GRID1: variants seen among roughly 807,000 people sequenced by gnomAD.
GRID1 encodes glutamate ionotropic receptor delta type subunit 1, also known as glutamate receptor ionotropic, delta-1.
In GRID1, 28 loss-of-function variants were observed where a neutral mutation model predicts 98.0. The ratio of observed to expected loss-of-function variants is 0.29; its 90% confidence interval spans 0.21 to 0.39. The LOEUF (loss-of-function observed/expected upper bound fraction) is 0.39, where lower values mean the gene tolerates loss of function less well. GRID1 is among the 10% of genes least tolerant of loss of function. GRID1 has a pLI of 1.00. For missense variants in GRID1, 1,111 were observed against 1,340.5 expected (o/e 0.83, Z 2.67); for synonymous variants, 553 against 538.5 (o/e 1.03, Z -0.37).
intron 12 of GRID1, among the ~76,000 whole-genome samples, chr10:85,708,200 C>G (rs539612205): frequency 4.1e-4 from 62 of 150,602 alleles, no homozygotes; most frequent in Middle Eastern, 3.5e-3. Flanking sequence ...GTCAGGAGAT[C>G]GAGACCAACC....
chr10:86,201,855 G>A (rs896736813), intron 3 of GRID1, among the ~76,000 whole-genome samples: 4 of 152,126 alleles, frequency 2.6e-5, no homozygotes, highest in African/African-American at 4.8e-5. Context: ...CAAGGAAAGC[G>A]AGGGTCTTGT....
intron 4 of GRID1, among the ~76,000 whole-genome samples, chr10:86,036,553 G>A (rs1348519885): frequency 6.6e-6 from 1 of 152,186 alleles, no homozygotes; most frequent in African/African-American, 2.4e-5. Context: ...GTACAGAACT[G>A]ATTTCTCCAG....
chr10:85,691,816 G>T (rs1841336292), intron 12 of GRID1, among the ~76,000 whole-genome samples: 1 of 152,180 alleles, frequency 6.6e-6, no homozygotes, highest in Admixed American at 6.5e-5. Context: ...TGTTTTCCAA[G>T]ACACTTGCCC....
intron 2 of GRID1, among the ~76,000 whole-genome samples, chr10:86,249,559 T>C (rs1846787352): frequency 6.6e-6 from 1 of 152,044 alleles, no homozygotes; most frequent in South Asian, 2.1e-4. Context: ...CCTACCACAC[T>C]CCACCTCCAT....
In GRID1 at chr10:85,646,933, T is replaced by A. The variant is rs915759673; in HGVS notation, c.2193+269A>T. 6.5e-5 allele frequency: 32 copies of A among 494,732 alleles called. No homozygotes were observed. In the East Asian group the frequency reaches 1.0e-3, roughly 16 times the overall value. 30.6% of individuals were successfully genotyped at this position (494,732 alleles called of 1,614,324 possible). A position where few individuals can be genotyped will look rare whatever the true frequency, so the allele number is the denominator to read the frequency against. On this transcript the variant is annotated intron_variant, in intron 13 of 15. Transcript: ENST00000327946. The stretch of plus-strand genomic sequence containing the variant: ...GACAGGCCTCTCTGTGTCACCCTCC[T>A]ATGAGCCCATGAGGAGGGTGGGCCA...
intron 2 of GRID1, among the ~76,000 whole-genome samples, chr10:86,338,576 A>AG (rs947414608): frequency 2.0e-5 from 3 of 151,978 alleles, no homozygotes; most frequent in African/African-American, 4.8e-5. Context: ...CCCCCAGGGG[A>AG]GGGGGGAGTC....
intron 8 of GRID1, among the ~76,000 whole-genome samples, chr10:85,741,386 G>A (rs527606800): frequency 6.6e-6 from 1 of 152,024 alleles, no homozygotes; most frequent in East Asian, 1.9e-4. Context: ...TTTTAAACTC[G>A]CTTGATATGT....
intron 8 of GRID1, among the ~76,000 whole-genome samples, chr10:85,759,559 G>C (rs1842128030): frequency 6.6e-6 from 1 of 152,192 alleles, no homozygotes; most frequent in Non-Finnish European, 1.5e-5. Context: ...ACTAATCAGA[G>C]AGAACTGTCC....
intron 8 of GRID1, among the ~76,000 whole-genome samples, chr10:85,790,576 A>G (rs1384444498): frequency 1.3e-5 from 2 of 152,144 alleles, no homozygotes; most frequent in Non-Finnish European, 2.9e-5. Context: ...CCATGTCAGT[A>G]TGGGGCACCA....
At chr10:85,656,104 C>T (rs1247729003) in intron 12 of GRID1, among the ~76,000 whole-genome samples, 1 of 152,180 alleles carries the variant, frequency 6.6e-6, no homozygotes, top group South Asian at 2.1e-4. Context: ...TCTCAGGAAC[C>T]TGGCTTACTC....
At chr10:85,676,836 G>A (rs1841150810) in intron 12 of GRID1, among the ~76,000 whole-genome samples, 2 of 152,148 alleles carry the variant, frequency 1.3e-5, no homozygotes, top group African/African-American at 4.8e-5. Flanking sequence ...TCTCTGCAAG[G>A]ACAATTAATT....
rs533848770 is a variant in GRID1 at position 85,813,248 on chromosome 10, GA to G, written c.1233+41247del. 1.6e-3 allele frequency among the ~76,000 whole-genome samples: 240 copies of G among 151,462 alleles called. 1 individual carries two copies. The highest frequency in any genetic ancestry group is 2.6e-3 in the Non-Finnish European group (178 of 67,680). The stretch of plus-strand genomic sequence containing the variant: ...AAATTACGGATTCAAGACAGTCAGT[GA>G]ACTCCAAAAAGTATAAGCACAAAGA... On this transcript the variant is annotated intron_variant, in intron 8 of 15. Transcript: ENST00000327946.
intron 4 of GRID1, among the ~76,000 whole-genome samples, chr10:86,128,867 A>G (rs904447270): frequency 6.6e-6 from 1 of 152,192 alleles, no homozygotes; most frequent in Non-Finnish European, 1.5e-5. Flanking sequence ...ACCCATACCC[A>G]TGTCAAGCAC....
chr10:85,712,461 G>A (rs1009201143), intron 12 of GRID1, among the ~76,000 whole-genome samples: 9 of 151,792 alleles, frequency 5.9e-5, no homozygotes, highest in East Asian at 1.9e-4. Flanking sequence ...GAGAAATAGC[G>A]ATACAAGAAT....
At chr10:86,180,332 C>T (rs1334848687) in intron 3 of GRID1, among the ~76,000 whole-genome samples, 2 of 152,110 alleles carry the variant, frequency 1.3e-5, no homozygotes, top group Non-Finnish European at 2.9e-5. Context: ...CCAGAGTGAT[C>T]GAACAGCTGC....
At chr10:85,631,299 A>G (rs1590167028) in intron 13 of GRID1, among the ~76,000 whole-genome samples, 1 of 152,144 alleles carries the variant, frequency 6.6e-6, no homozygotes, top group Admixed American at 6.5e-5. Flanking sequence ...GTAGCCCCAA[A>G]CAGCCACATT....
chr10:86,117,655 C>T (rs564252007), intron 4 of GRID1, among the ~76,000 whole-genome samples: 142 of 152,310 alleles, frequency 9.3e-4, no homozygotes, highest in Non-Finnish European at 1.4e-3. Flanking sequence ...CCTCACAGAT[C>T]ACAACTAATT....
At chr10:86,030,738 G>C (rs1843175150) in intron 4 of GRID1, among the ~76,000 whole-genome samples, 1 of 152,196 alleles carries the variant, frequency 6.6e-6, no homozygotes. Flanking sequence ...TAAGGGTATG[G>C]GAGTCCTCAG....
intron 4 of GRID1, among the ~76,000 whole-genome samples, chr10:85,975,461 G>T (rs1169338428): frequency 6.6e-6 from 1 of 152,132 alleles, no homozygotes; most frequent in African/African-American, 2.4e-5. Context: ...GAGGGCGATT[G>T]TCCTAATTGG....
Sources: allele counts gnomAD v4.1 joint callset (sites outside exome capture counted in the v4.1 genomes callset), GRCh38; gene constraint gnomAD v4.1.1; transcripts MANE v1.5; gene names NCBI Gene and HGNC (gene_info 2026-07-23, HGNC 2026-07-21).